The following PID1 variants were observed in gnomAD, a reference collection of about 807,000 sequenced individuals.
PID1 encodes PTB-containing, cubilin and LRP1-interacting protein.
Under a neutral mutation model 19.1 loss-of-function variants are expected in PID1, and 10 were observed. The ratio of observed to expected loss-of-function variants is 0.52; its 90% CI spans 0.32 to 0.89. The LOEUF (loss-of-function observed/expected upper bound fraction) is 0.89, where lower values mean the gene tolerates loss of function less well. Ranked by LOEUF, PID1 falls within the 40% of genes least tolerant of loss-of-function variation. The pLI, the probability that PID1 is intolerant of heterozygous loss-of-function variation, is 0.03. For missense variants in PID1, 248 were observed against 285.3 expected (o/e 0.87, Z 0.94); for synonymous variants, 130 against 116.0 (o/e 1.12, Z -0.78).
At chr2:229,169,800 G>A (rs1051105301) in intron 1 of PID1, among the ~76,000 whole-genome samples, 1 of 152,118 alleles carries the variant, frequency 6.6e-6, no homozygotes, top group Non-Finnish European at 1.5e-5. Context: ...CTCTCTGTAG[G>A]AAAAACTACC....
chr2:229,134,233 T>A (rs901835324), intron 2 of PID1, among the ~76,000 whole-genome samples: 1 of 14,852 alleles, frequency 6.7e-5, no homozygotes, highest in East Asian at 0.024. Context: ...CTACCTGTGT[T>A]TTTTTTTTTT....
Position 229,119,994 on chromosome 2 carries a change from C to A in PID1, c.177+35824G>T, listed in dbSNP as rs149452853. Among the ~76,000 whole-genome samples, 416 of 152,304 alleles carry A rather than the reference C, an allele frequency of 2.7e-3. 1 individual carries two copies. The highest frequency in any genetic ancestry group is 9.6e-3 in the African/African-American group (401 of 41,564). On this transcript the variant is annotated intron_variant, in intron 2 of 2. Coordinates refer to ENST00000392055, the MANE Select transcript of PID1 (RefSeq NM_001100818.2). ...CGGACTGGCCTTAATACCATCACGT[C>A]TCTGGCTCCCAGACCTACAAACTAC...
chr2:229,223,876 C>T (rs915155753), intron 1 of PID1, among the ~76,000 whole-genome samples: 9 of 152,186 alleles, frequency 5.9e-5, no homozygotes, highest in East Asian at 1.9e-4. Context: ...GCGGACACAT[C>T]GCCCAAATAG....
chr2:229,082,764 C>A (rs4972882), intron 2 of PID1, among the ~76,000 whole-genome samples: 30,374 of 152,062 alleles, frequency 0.2, 3,937 homozygotes, highest in East Asian at 0.54. Flanking sequence ...TTCTTCACAT[C>A]TTCCATAAGA....
intron 2 of PID1, among the ~76,000 whole-genome samples, chr2:229,057,387 C>T (rs987558152): frequency 1.3e-5 from 2 of 149,450 alleles, no homozygotes; most frequent in African/African-American, 2.5e-5. Context: ...ATCCAGGAGG[C>T]GGAGGTTGCA....
intron 1 of PID1, among the ~76,000 whole-genome samples, chr2:229,189,345 A>G (rs1206540130): frequency 2.0e-5 from 3 of 152,200 alleles, no homozygotes; most frequent in Non-Finnish European, 2.9e-5. Flanking sequence ...GCAGAGAAAC[A>G]CTGTGGCTGT....
chr2:229,204,871 A>G (rs1007431839), intron 1 of PID1, among the ~76,000 whole-genome samples: 3 of 152,108 alleles, frequency 2.0e-5, no homozygotes, highest in Non-Finnish European at 4.4e-5. Context: ...CCAGGAGCCT[A>G]ATGCTACTAT....
chr2:229,240,644 T>C (rs1291160923), intron 1 of PID1, among the ~76,000 whole-genome samples: 1 of 152,124 alleles, frequency 6.6e-6, no homozygotes, highest in Non-Finnish European at 1.5e-5. Context: ...CCTCATTGCT[T>C]TGACTTTCAG....
At chr2:229,068,594 G>A (rs987529839) in intron 2 of PID1, among the ~76,000 whole-genome samples, 6 of 152,132 alleles carry the variant, frequency 3.9e-5, no homozygotes, top group African/African-American at 1.4e-4. Context: ...CCTTCCATTT[G>A]TGGGGAAAGC....
intron 2 of PID1, among the ~76,000 whole-genome samples, chr2:229,044,164 C>T (rs1693828245): frequency 1.3e-5 from 2 of 152,078 alleles, no homozygotes; most frequent in South Asian, 4.2e-4. Flanking sequence ...TGCATATTGA[C>T]TTTTTCGACT....
rs544835947 is a variant in PID1, at chr2:229,170,066, G to A, written c.31-14102C>T. Among the ~76,000 whole-genome samples the A allele has an allele frequency of 1.4e-4, 21 of 152,208 alleles. No homozygotes were observed. The South Asian group carries it at 3.5e-3, about 26-fold the overall frequency. Reference sequence around the variant, plus strand: ...CTGACAAGGTAGCTGCTGCATCATCGCTTAGAACTATGAAACGGAAACCTT... The same window carrying A: ...CTGACAAGGTAGCTGCTGCATCATCACTTAGAACTATGAAACGGAAACCTT... On this transcript the variant is annotated intron_variant, in intron 1 of 2. Coordinates refer to ENST00000392055, the MANE Select transcript of PID1 (RefSeq NM_001100818.2).
At chr2:229,196,551 A>T (rs1021970168) in intron 1 of PID1, among the ~76,000 whole-genome samples, 2 of 152,134 alleles carry the variant, frequency 1.3e-5, no homozygotes, top group African/African-American at 4.8e-5. Flanking sequence ...TTCTAAGTAC[A>T]TCAGTTACAA....
intron 1 of PID1, among the ~76,000 whole-genome samples, chr2:229,212,273 T>C (rs1351207063): frequency 1.3e-5 from 2 of 152,240 alleles, no homozygotes; most frequent in African/African-American, 4.8e-5. Flanking sequence ...TGGAGAAATT[T>C]ATAATTCCCT....
intron 2 of PID1, among the ~76,000 whole-genome samples, chr2:229,134,193 C>T (rs558985893): frequency 6.6e-6 from 1 of 150,434 alleles, no homozygotes; most frequent in East Asian, 2.0e-4. Flanking sequence ...CTGAACTATT[C>T]CACTAGCATT....
At position 229,128,875 on chromosome 2, in the gene PID1, T is replaced by C. The variant is rs532971303; in HGVS notation, c.177+26943A>G. 2.6e-5 allele frequency among the ~76,000 whole-genome samples: 4 copies of C among 152,284 alleles called. No homozygotes were observed. The South Asian group carries it at 8.3e-4, about 32-fold the overall frequency. ...AGTCAATACTAACTGAATCGTACAT[T>C]TTAAAATACAGAGTGCAATTGGATT... On this transcript the variant is annotated intron_variant, in intron 2 of 2. Coordinates refer to ENST00000392055, the MANE Select transcript of PID1 (RefSeq NM_001100818.2).
chr2:229,070,198 A>T (rs765924448), intron 2 of PID1, among the ~76,000 whole-genome samples: 3 of 152,212 alleles, frequency 2.0e-5, no homozygotes, highest in Admixed American at 1.3e-4. Flanking sequence ...CTGTTCCCAT[A>T]AAGTAGTTTG....
intron 2 of PID1, among the ~76,000 whole-genome samples, chr2:229,131,234 T>G (rs1332405982): frequency 6.6e-6 from 1 of 151,854 alleles, no homozygotes; most frequent in African/African-American, 2.4e-5. Context: ...TTTTCTTTTC[T>G]TCTCTTTTTT....
intron 2 of PID1, among the ~76,000 whole-genome samples, chr2:229,103,346 G>T (rs1303474284): frequency 6.6e-6 from 1 of 152,132 alleles, no homozygotes; most frequent in Non-Finnish European, 1.5e-5. Context: ...TTGTCTACCA[G>T]ATGCTGAGGA....
rs112203989 is a variant in PID1 at position 229,206,256 on chromosome 2, CA to C, written c.31-50293del. On this transcript the variant is annotated intron_variant, in intron 1 of 2. Coordinates refer to ENST00000392055, the MANE Select transcript of PID1 (RefSeq NM_001100818.2). ...AACAAACAAAACCCTAGTATAAGTA[CA>C]AAAAAAAAAAACCCCAAAGATCCTA... Among the ~76,000 whole-genome samples the C allele has an allele frequency of 8.2e-3, 1,082 of 131,184 alleles. 7 individuals are homozygous for C. The highest frequency in any genetic ancestry group is 0.02 in the South Asian group (86 of 4,364). 86.1% of individuals were successfully genotyped at this position (131,184 alleles called of 152,430 possible).
Sources: gnomAD v4.1 joint callset for allele counts (sites outside exome capture counted in the v4.1 genomes callset) on GRCh38, gnomAD v4.1.1 for gene constraint, MANE v1.5 for transcripts, NCBI Gene and HGNC (gene_info 2026-07-23, HGNC 2026-07-21) for gene names.